PTPRT: variants seen among roughly 807,000 people sequenced by gnomAD.
PTPRT encodes receptor-type tyrosine-protein phosphatase T.
In PTPRT, 56 loss-of-function variants were observed where a neutral mutation model predicts 176.8. The observed-to-expected ratio is 0.32, with a 90% CI of 0.26 to 0.40. The LOEUF is 0.40. PTPRT is among the 10% of genes least tolerant of loss of function. The pLI is 1.00. For missense variants in PTPRT, 1,540 were observed against 1,908.2 expected (o/e 0.81, Z 3.60); for synonymous variants, 783 against 739.0 (o/e 1.06, Z -0.96).
At chr20:43,126,757 T>A (rs6030666) in intron 1 of PTPRT, among the ~76,000 whole-genome samples, 3 of 152,202 alleles carry the variant, frequency 2.0e-5, no homozygotes, top group East Asian at 1.9e-4. Flanking sequence ...CAGTCTCTCC[T>A]CAGGAGACGA....
the PTPRT span, among the ~76,000 whole-genome samples, chr20:42,054,641 G>A: frequency 5.9e-5 from 9 of 152,242 alleles, no homozygotes; most frequent in South Asian, 6.2e-4. Context: ...GTTAGAAGAA[G>A]GTTGGCCTAT....
intron 1 of PTPRT, among the ~76,000 whole-genome samples, chr20:42,905,503 G>C (rs898905290): frequency 2.8e-4 from 42 of 152,230 alleles, no homozygotes; most frequent in Non-Finnish European, 4.7e-4. Flanking sequence ...GTGGAAGACA[G>C]TGTGGCGATT....
At chr20:42,526,378 T>C (rs1203471019) in intron 7 of PTPRT, among the ~76,000 whole-genome samples, 15 of 152,168 alleles carry the variant, frequency 9.9e-5, no homozygotes, top group South Asian at 2.1e-4. Context: ...ATGCCTTTAA[T>C]GTTTTCAGAA....
intron 9 of PTPRT, among the ~76,000 whole-genome samples, chr20:42,390,594 T>C (rs1365410727): frequency 2.0e-5 from 3 of 152,168 alleles, no homozygotes; most frequent in African/African-American, 7.2e-5. Context: ...GCTCACTTAC[T>C]CTAGTGAAAG....
rs76764004 is a variant in PTPRT, at chr20:42,536,779, C to T, written c.1154-64217G>A. 7.8e-3 allele frequency among the ~76,000 whole-genome samples: 1,186 copies of T among 152,000 alleles called. 12 individuals carry two copies. The highest frequency in any genetic ancestry group is 0.014 in the Middle Eastern group (4 of 294). ...AAACTTTTTTTGTAATATTAAGTGT[C>T]AAAAAAGATAGAGGAAATAGACACT... is the stretch of plus-strand genomic sequence containing the variant. On this transcript the variant is annotated intron_variant, in intron 7 of 30. Coordinates refer to ENST00000373187, the MANE Select transcript of PTPRT (RefSeq NM_007050.6).
At position 42,248,761 on chromosome 20, in the gene PTPRT, C is replaced by T; in HGVS notation, c.2238G>A (p.Lys746=). The stretch of plus-strand genomic sequence containing the variant: ...GGAGGCCAGCGATCACGCCAGCCAT[C>T]TTCACGGTGTTGTCCACCTGCTTCT... ...EPEKQVDNTV[K]MAGVIAGLLM... Residue 746 remains lysine (K), a synonymous_variant, in exon 14 of 31, where the codon AAG becomes AAA. Transcript: ENST00000373187. 6 of 1,614,116 alleles carry T rather than the reference C, an allele frequency of 3.7e-6. No individual in the cohort carries two copies. Among genetic ancestry groups the T allele is most frequent in the Non-Finnish European group, 5.1e-6 (6 of 1,179,996 alleles).
chr20:42,119,934 C>T lies in PTPRT; in HGVS notation c.2884+1G>A. ...GCACTAGGTGGAGGGAGGGCACTTA[C>T]CTTGAGTCGCAATGTAGTGCCGAGG... On this transcript the variant is annotated splice_donor_variant, in intron 20 of 30. Transcript: ENST00000373187. LOFTEE classifies it high-confidence loss of function. The T allele has an allele frequency of 2.5e-6, 4 of 1,608,962 alleles. No individual in the cohort carries two copies. The highest frequency in any genetic ancestry group is 1.1e-5 in the South Asian group (1 of 90,348).
chr20:42,208,127 G>A (rs1017577742), intron 15 of PTPRT, among the ~76,000 whole-genome samples: 1 of 124,410 alleles, frequency 8.0e-6, no homozygotes, highest in Non-Finnish European at 1.7e-5. Context: ...TGCCCTAAAA[G>A]AGCTCCTGAA....
At chr20:42,242,634 G>A (rs1275497686) in intron 14 of PTPRT, among the ~76,000 whole-genome samples, 7 of 152,264 alleles carry the variant, frequency 4.6e-5, no homozygotes, top group East Asian at 1.9e-4. Flanking sequence ...AAGAAAGTTC[G>A]TAAGCAAAAC....
intron 9 of PTPRT, among the ~76,000 whole-genome samples, chr20:42,354,660 G>A (rs2058333330): frequency 6.6e-6 from 1 of 152,192 alleles, no homozygotes; most frequent in South Asian, 2.1e-4. Context: ...ATTCTTGAGA[G>A]AGGTAAGCCA....
At chr20:42,235,523 T>G (rs1040386471) in intron 15 of PTPRT, among the ~76,000 whole-genome samples, 1 of 152,122 alleles carries the variant, frequency 6.6e-6, no homozygotes, top group Non-Finnish European at 1.5e-5. Context: ...GCCTCCAAAG[T>G]GCTGGGATTA....
intron 18 of PTPRT, among the ~76,000 whole-genome samples, chr20:42,130,013 A>G (rs1036448361): frequency 6.6e-6 from 1 of 152,182 alleles, no homozygotes; most frequent in African/African-American, 2.4e-5. Context: ...AGCCCTTGTT[A>G]CAAATGAGGA....
chr20:42,786,196 T>C (rs1038478237), intron 3 of PTPRT, among the ~76,000 whole-genome samples: 1 of 152,202 alleles, frequency 6.6e-6, no homozygotes, highest in Non-Finnish European at 1.5e-5. Flanking sequence ...TTAAACCTCT[T>C]TTCTTTATAA....
intron 2 of PTPRT, among the ~76,000 whole-genome samples, chr20:42,825,122 T>C (rs2077969580): frequency 6.6e-6 from 1 of 152,102 alleles, no homozygotes; most frequent in African/African-American, 2.4e-5. Context: ...ACCAGTTGTC[T>C]CAATGATTTT....
chr20:42,338,651 T>C (rs2058072194), intron 11 of PTPRT, among the ~76,000 whole-genome samples: 2 of 152,068 alleles, frequency 1.3e-5, no homozygotes, highest in Admixed American at 1.3e-4. Flanking sequence ...ACCAAATTCC[T>C]TTTTTTGAAA....
rs530485925 is a variant in PTPRT, at chr20:42,373,169, A to G, written c.1561-20884T>C. On this transcript the variant is annotated intron_variant, in intron 9 of 30. Coordinates refer to ENST00000373187, the MANE Select transcript of PTPRT (RefSeq NM_007050.6). ...CTTTGCAGAGTAACACCAGGAGTGA[A>G]GTACCACCCTTCCAACTTTACTGCT... Among the ~76,000 whole-genome samples, 90 of 152,310 alleles carry G rather than the reference A, an allele frequency of 5.9e-4. No homozygotes were observed. The Middle Eastern group carries it at 0.01, about 17-fold the overall frequency.
At chr20:43,139,644 A>G (rs2013940781) in intron 1 of PTPRT, among the ~76,000 whole-genome samples, 1 of 152,192 alleles carries the variant, frequency 6.6e-6, no homozygotes, top group Admixed American at 6.5e-5. Flanking sequence ...ACACTGGGCT[A>G]TTGATTTACC....
chr20:43,118,593 C>T (rs192638548), intron 1 of PTPRT, among the ~76,000 whole-genome samples: 217 of 152,254 alleles, frequency 1.4e-3, no homozygotes, highest in African/African-American at 5.0e-3. Flanking sequence ...GCACACGCCA[C>T]CATGCCCGGC....
At chr20:42,425,382 A>G (rs2059153887) in intron 9 of PTPRT, among the ~76,000 whole-genome samples, 1 of 152,204 alleles carries the variant, frequency 6.6e-6, no homozygotes, top group Non-Finnish European at 1.5e-5. Context: ...TTGAATTTTT[A>G]AGTTCCAAAT....
Sources: gnomAD v4.1 joint callset for allele counts (sites outside exome capture counted in the v4.1 genomes callset) on GRCh38, gnomAD v4.1.1 for gene constraint, MANE v1.5 for transcripts, NCBI Gene and HGNC (gene_info 2026-07-23, HGNC 2026-07-21) for gene names.